Variants in SETD7 observed in about 807,000 individuals in gnomAD.
The protein encoded by SETD7 is histone-lysine N-methyltransferase SETD7.
Under a neutral mutation model 41.8 loss-of-function variants are expected in SETD7, and 16 were observed. The ratio of observed to expected loss-of-function variants is 0.38; its 90% confidence interval spans 0.26 to 0.58. The LOEUF (loss-of-function observed/expected upper bound fraction) is 0.58. Among genes scored for constraint, SETD7 ranks in the 20% least tolerant of loss-of-function variants. SETD7 has a pLI of 0.64. For synonymous variants in SETD7, 163 were observed against 169.7 expected (o/e 0.96, Z 0.31); for missense variants, 346 against 459.7 (o/e 0.75, Z 2.26).
At chr4:139,496,427 G>A (rs1437458906) in exon 8 of SETD7, 10 of 702,388 alleles carry the variant, frequency 1.4e-5, no homozygotes, top group Non-Finnish European at 2.3e-5. Context: ...GCTTTTCTGT[G>A]TTCTACCCAG....
downstream of SETD7, among the ~76,000 whole-genome samples, chr4:139,501,284 A>G (rs1372785835): frequency 6.6e-6 from 1 of 152,188 alleles, no homozygotes. Flanking sequence ...TTCGTGCTGA[A>G]CTTGGATGAA....
At chr4:139,551,742 C>T (rs533049378) in intron 1 of SETD7, among the ~76,000 whole-genome samples, 133 of 152,178 alleles carry the variant, frequency 8.7e-4, no homozygotes, top group Admixed American at 7.9e-4. Context: ...ATTAATAGGC[C>T]GGGCGCGGTG....
At chr4:139,549,369 C>A (rs895983983) in intron 1 of SETD7, among the ~76,000 whole-genome samples, 2 of 152,134 alleles carry the variant, frequency 1.3e-5, no homozygotes, top group African/African-American at 4.8e-5. Flanking sequence ...CTGAATAAAA[C>A]ACTGAAGGTG....
intron 5 of SETD7, among the ~76,000 whole-genome samples, chr4:139,522,183 A>G (rs1181068911): frequency 6.6e-6 from 1 of 152,226 alleles, no homozygotes; most frequent in Non-Finnish European, 1.5e-5. Flanking sequence ...TCATTGTGAC[A>G]TTGTGGGGTC....
At position 139,499,011 on chromosome 4, in the gene SETD7, G is replaced by A. The variant is rs577946398; in HGVS notation, c.921-2490C>T. Among the ~76,000 whole-genome samples the A allele has an allele frequency of 2.6e-5, 4 of 152,302 alleles. No homozygotes were observed. The South Asian group carries it at 6.2e-4, about 24-fold the overall frequency. On this transcript the variant is annotated intron_variant, in intron 7 of 7. Transcript: ENST00000506866. ...CAGGAGGCAGGGGTTGCAGTGAGCC[G>A]AGATTGCACCACTGCCCTCCCACCT...
intron 2 of SETD7, among the ~76,000 whole-genome samples, chr4:139,537,485 A>G (rs1224737593): frequency 2.1e-5 from 1 of 48,180 alleles, no homozygotes; most frequent in African/African-American, 4.3e-5. Context: ...GTTTTCCTAC[A>G]AAGTAAATCT....
chr4:139,498,375 GAC>G (rs1726506433), intron 7 of SETD7, among the ~76,000 whole-genome samples: 2 of 152,144 alleles, frequency 1.3e-5, no homozygotes, highest in Admixed American at 1.3e-4. Context: ...GACAACTAAA[GAC>G]AGCCGGTACA....
chr4:139,535,410 C>T (rs1203512547), intron 2 of SETD7, among the ~76,000 whole-genome samples: 1 of 152,180 alleles, frequency 6.6e-6, no homozygotes, highest in African/African-American at 2.4e-5. Context: ...CTCATCCTGG[C>T]AACCCTATTG....
chr4:139,539,565 T>G (rs1727729526), intron 2 of SETD7, among the ~76,000 whole-genome samples: 1 of 152,200 alleles, frequency 6.6e-6, no homozygotes, highest in Non-Finnish European at 1.5e-5. Context: ...CTACTATAGA[T>G]CTAATTATTA....
intron 2 of SETD7, among the ~76,000 whole-genome samples, chr4:139,535,924 T>C (rs1727625708): frequency 6.6e-6 from 1 of 152,202 alleles, no homozygotes; most frequent in African/African-American, 2.4e-5. Context: ...AATATACGTT[T>C]CTTAGACTGG....
chr4:139,533,213 C>T lies in SETD7; in HGVS notation c.324G>A (p.Gly108=). ...CATGACGAATGTTATCTTTATACTG[C>T]CCCTTGAAGATCAGTCTCCCATCTG... ...YDTDGRLIFK[G]QYKDNIRHGV... is the part of the protein sequence containing the mutation. Residue 108 remains glycine (G), a synonymous_variant, in exon 3 of 8, where the codon GGG becomes GGA. Coordinates refer to ENST00000274031, the MANE Select transcript of SETD7 (RefSeq NM_030648.4). 6.2e-7 allele frequency: 1 copy of T among 1,614,180 alleles called. No homozygotes were observed. The highest frequency in any genetic ancestry group is 8.5e-7 in the Non-Finnish European group (1 of 1,180,014).
chr4:139,505,887 G>C (rs966675437), downstream of SETD7: 2 of 152,306 alleles, frequency 1.3e-5, no homozygotes, highest in African/African-American at 4.8e-5. Context: ...GCTCTTACTA[G>C]AATGCTCTGA....
Position 139,522,519 on chromosome 4 carries a change from T to A in SETD7, c.644+835A>T, listed in dbSNP as rs147104587. 1.5e-3 allele frequency among the ~76,000 whole-genome samples: 224 copies of A among 152,298 alleles called. 1 individual carries two copies. The highest frequency in any genetic ancestry group is 3.4e-3 in the Middle Eastern group (1 of 294). On this transcript the variant is annotated intron_variant, in intron 5 of 7. Transcript: ENST00000274031. ...AGAATGTTTTTATGCCTCTTATACT[T>A]TCTTTGTTTCACTCTTGTCTTCTGT...
chr4:139,511,453 G>A lies in SETD7; in HGVS notation c.*210C>T. Reference sequence around the variant, plus strand: ...GTCAAATGCTCGACAATACCTCTCAGTAGGACGTTGTTGCAAGGCTAGCTA... The same window carrying A: ...GTCAAATGCTCGACAATACCTCTCAATAGGACGTTGTTGCAAGGCTAGCTA... On this transcript the variant is annotated 3_prime_UTR_variant, in exon 8 of 8. Coordinates refer to ENST00000274031, the MANE Select transcript of SETD7 (RefSeq NM_030648.4). The A allele has an allele frequency of 1.3e-6, 1 of 748,208 alleles. No individual in the cohort carries two copies. Among genetic ancestry groups the A allele is most frequent in the South Asian group, 2.1e-5 (1 of 48,742 alleles). 46.3% of individuals were successfully genotyped at this position (748,208 alleles called of 1,614,324 possible).
chr4:139,526,226 G>A (rs967554861), intron 4 of SETD7, among the ~76,000 whole-genome samples: 1 of 151,156 alleles, frequency 6.6e-6, no homozygotes, highest in Non-Finnish European at 1.5e-5. Context: ...AAAGCAACCA[G>A]AAATTCTAAA....
intron 3 of SETD7, among the ~76,000 whole-genome samples, chr4:139,529,753 CAAGTA>C (rs1391102538): frequency 2.6e-5 from 4 of 152,250 alleles, no homozygotes; most frequent in African/African-American, 9.6e-5. Context: ...TTAGTGTACA[CAAGTA>C]AAGAGAGTTA....
At chr4:139,516,025 A>T (rs1727012727) in intron 7 of SETD7, among the ~76,000 whole-genome samples, 1 of 152,198 alleles carries the variant, frequency 6.6e-6, no homozygotes, top group African/African-American at 2.4e-5. Flanking sequence ...CTTTGGGAAG[A>T]ACACGTTCAG....
intron 5 of SETD7, among the ~76,000 whole-genome samples, chr4:139,522,146 G>C (rs1727193625): frequency 6.6e-6 from 1 of 152,192 alleles, no homozygotes; most frequent in Non-Finnish European, 1.5e-5. Context: ...CTGGGCCAGA[G>C]CCTCATGTCA....
rs1662935363 is a variant in SETD7 at position 139,509,732 on chromosome 4, C to T, written c.*1931G>A. 1 of 985,424 alleles carries T rather than the reference C, an allele frequency of 1.0e-6. No homozygotes were observed. The highest frequency in any genetic ancestry group is 1.7e-5 in the African/African-American group (1 of 57,260). 61.0% of individuals were successfully genotyped at this position (985,424 alleles called of 1,614,324 possible). A position where few individuals can be genotyped will look rare whatever the true frequency, so the allele number is the denominator to read the frequency against. On this transcript the variant is annotated 3_prime_UTR_variant, in exon 8 of 8. Coordinates refer to ENST00000274031, the MANE Select transcript of SETD7 (RefSeq NM_030648.4). Reference sequence around the variant, plus strand: ...AGTCCAGAGGCCCTGGCCCATCCGTCACAGTGTATAGAACGGTCTCTTTCT... The same window carrying T: ...AGTCCAGAGGCCCTGGCCCATCCGTTACAGTGTATAGAACGGTCTCTTTCT...
Sources: allele counts gnomAD v4.1 joint callset (sites outside exome capture counted in the v4.1 genomes callset), GRCh38; gene constraint gnomAD v4.1.1; transcripts MANE v1.5; gene names NCBI Gene and HGNC (gene_info 2026-07-23, HGNC 2026-07-21).